Variants in SLC9A7 observed in about 807,000 individuals in gnomAD.
The protein encoded by SLC9A7 is solute carrier family 9 member A7.
A neutral mutation model predicts 52.6 loss-of-function variants in SLC9A7; 19 were observed. The ratio of observed to expected loss-of-function variants is 0.36; its 90% CI spans 0.25 to 0.53. SLC9A7 has a LOEUF of 0.53. Ranked by LOEUF, SLC9A7 falls within the 20% of genes least tolerant of loss-of-function variation. SLC9A7 has a pLI of 0.91. For missense variants in SLC9A7, 455 were observed against 597.9 expected (o/e 0.76, Z 2.49); for synonymous variants, 226 against 252.1 (o/e 0.90, Z 0.98).
rs896084299 is a variant in SLC9A7 at position 46,606,084 on chromosome X, G to A, written c.*868C>T. The A allele has an allele frequency of 1.2e-5, 2 of 161,891 alleles. No individual in the cohort carries two copies. Among genetic ancestry groups the A allele is most frequent in the Non-Finnish European group, 2.0e-5 (2 of 99,803 alleles). The allele number at this position is 161,891 out of a possible 1,213,427, so 13.3% of individuals were successfully genotyped here. On this transcript the variant is annotated 3_prime_UTR_variant, in exon 17 of 17. Coordinates refer to ENST00000616978, the MANE Select transcript of SLC9A7 (RefSeq NM_001257291.2). The stretch of plus-strand genomic sequence containing the variant: ...GCAGGAGAATCACTTGAACCCGTGA[G>A]GCAGAGGTTGCAGTGAGCCAAGACC...
At chrX:46,719,292 C>T (rs1944822024) in intron 1 of SLC9A7, among the ~76,000 whole-genome samples, 1 of 48,903 alleles carries the variant, frequency 2.0e-5, no homozygotes, top group Non-Finnish European at 3.7e-5. Flanking sequence ...CGGGGCCTGT[C>T]GTGGGGTGGG....
chrX:46,659,174 C>CA (rs1440563526), intron 7 of SLC9A7, among the ~76,000 whole-genome samples: 4 of 111,954 alleles, frequency 3.6e-5, no homozygotes, highest in Admixed American at 1.9e-4. Context: ...AACTCAACAA[C>CA]CTTCATGCTA....
In SLC9A7 at chrX:46,686,330, G is replaced by C. The variant is rs369882836; in HGVS notation, c.326-3795C>G. 2.7e-5 allele frequency among the ~76,000 whole-genome samples: 3 copies of C among 111,547 alleles called. No homozygotes were observed. In the South Asian group the frequency reaches 1.1e-3, roughly 42 times the overall value. ...GACCAAAAATATACCAAGCCACAGG[G>C]TACACCACTAACTCAAGGTAGAGTT... On this transcript the variant is annotated intron_variant, in intron 1 of 16. Transcript: ENST00000616978.
intron 1 of SLC9A7, among the ~76,000 whole-genome samples, chrX:46,709,248 A>C (rs1210526375): frequency 1.8e-5 from 2 of 110,263 alleles, no homozygotes; most frequent in Admixed American, 1.9e-4. Context: ...TGTAAAAAAA[A>C]ATACAAAAAT....
chrX:46,733,880 A>G (rs1250791367), intron 1 of SLC9A7, among the ~76,000 whole-genome samples: 2 of 112,125 alleles, frequency 1.8e-5, no homozygotes. Context: ...AAAATTGCAG[A>G]TATAAATCCA....
chrX:46,639,313 G>A (rs1170457834), intron 12 of SLC9A7, among the ~76,000 whole-genome samples: 4 of 98,529 alleles, frequency 4.1e-5, no homozygotes, highest in African/African-American at 1.2e-4. Context: ...ATGGAGTCTC[G>A]CTCTGTCGCC....
intron 1 of SLC9A7, among the ~76,000 whole-genome samples, chrX:46,748,351 AAAAAAAAG>A (rs1237142945): frequency 3.1e-5 from 2 of 64,522 alleles, no homozygotes; most frequent in Non-Finnish European, 6.3e-5. Context: ...TGTCAAAAAA[AAAAAAAAG>A]AAAGAAAGGA....
At chrX:46,609,079 A>T (rs752820728) in intron 16 of SLC9A7, among the ~76,000 whole-genome samples, 1 of 110,216 alleles carries the variant, frequency 9.1e-6, no homozygotes, top group Non-Finnish European at 1.9e-5. Flanking sequence ...TCTCTCTGCC[A>T]GGGCTCTTGG....
chrX:46,654,308 G>A (rs773272714), intron 7 of SLC9A7, among the ~76,000 whole-genome samples: 6 of 110,286 alleles, frequency 5.4e-5, no homozygotes, highest in Admixed American at 9.7e-5. Context: ...AATTGAACCC[G>A]GCAGGCAGAG....
chrX:46,656,490 T>C (rs1461819663), intron 7 of SLC9A7, among the ~76,000 whole-genome samples: 2 of 112,214 alleles, frequency 1.8e-5, no homozygotes, highest in Non-Finnish European at 3.8e-5. Flanking sequence ...TTTAGAAGAA[T>C]GTATAACTAG....
chrX:46,684,347 G>A (rs1157378061), intron 1 of SLC9A7, among the ~76,000 whole-genome samples: 2 of 110,806 alleles, frequency 1.8e-5, no homozygotes, highest in South Asian at 3.9e-4. Context: ...TGGGACTACA[G>A]GCATGCGCTA....
chrX:46,735,378 G>T (rs772550091), intron 1 of SLC9A7, among the ~76,000 whole-genome samples: 32 of 111,519 alleles, frequency 2.9e-4, no homozygotes, highest in African/African-American at 9.7e-4. Flanking sequence ...CACTTCACAA[G>T]GAGCATAGGA....
intron 7 of SLC9A7, among the ~76,000 whole-genome samples, chrX:46,656,452 G>A (rs1488138751): frequency 1.8e-5 from 2 of 112,357 alleles, no homozygotes; most frequent in African/African-American, 6.5e-5. Flanking sequence ...CAAACCAAAG[G>A]CAAAGAAGTT....
intron 1 of SLC9A7, among the ~76,000 whole-genome samples, chrX:46,746,717 T>C (rs1385685354): frequency 1.8e-5 from 2 of 112,370 alleles, no homozygotes; most frequent in East Asian, 5.6e-4. Context: ...ACAATCACTA[T>C]GGAGAACAGT....
Position 46,606,962 on chromosome X carries a change from T to A in SLC9A7, c.2171A>T (p.Asp724Val). ...RGTRLVFPLE[D>V]NA ...GGCTTGGGGGGAAAGTCAAGCATTA[T>A]CTTCCAGGGGAAACACTAGGCGGGT... Residue 724 changes from aspartate to valine, a missense_variant, in exon 17 of 17, where the codon GAT becomes GTT. Transcript: ENST00000616978. 2 of 1,211,618 alleles carry A rather than the reference T, an allele frequency of 1.7e-6. No homozygotes were observed. The highest frequency in any genetic ancestry group is 2.2e-6 in the Non-Finnish European group (2 of 895,491).
chrX:46,628,793 T>A (rs1943177703), intron 14 of SLC9A7, among the ~76,000 whole-genome samples: 1 of 112,446 alleles, frequency 8.9e-6, no homozygotes, highest in Non-Finnish European at 1.9e-5. Flanking sequence ...GTGACCTGGA[T>A]CTATTTCAGG....
chrX:46,615,273 C>A (rs1942926796), intron 15 of SLC9A7, among the ~76,000 whole-genome samples: 1 of 112,354 alleles, frequency 8.9e-6, no homozygotes, highest in African/African-American at 3.2e-5. Context: ...GATCTCTTGA[C>A]TTCGTGATCC....
intron 1 of SLC9A7, among the ~76,000 whole-genome samples, chrX:46,694,170 AT>A (rs1389010228): frequency 9.2e-6 from 1 of 109,163 alleles, no homozygotes; most frequent in Non-Finnish European, 1.9e-5. Context: ...AAAAGTCAAA[AT>A]TAAAAAAAAA....
chrX:46,738,505 C>T (rs1288584983), intron 1 of SLC9A7, among the ~76,000 whole-genome samples: 2 of 112,274 alleles, frequency 1.8e-5, no homozygotes, highest in Middle Eastern at 4.6e-3. Context: ...CATGGTGGCT[C>T]ATGCCTGTAA....
Sources: gnomAD v4.1 joint callset for allele counts (sites outside exome capture counted in the v4.1 genomes callset) on GRCh38, gnomAD v4.1.1 for gene constraint, MANE v1.5 for transcripts, NCBI Gene and HGNC (gene_info 2026-07-23, HGNC 2026-07-21) for gene names.